CHD3: variants seen among roughly 807,000 people sequenced by gnomAD.
CHD3 encodes the protein chromodomain helicase DNA binding protein 3.
In CHD3, 52 loss-of-function variants were observed where a neutral mutation model predicts 248.9. That is an observed-to-expected ratio of 0.21 (90% CI 0.17 to 0.26). The LOEUF (loss-of-function observed/expected upper bound fraction) is 0.26, where lower values mean the gene tolerates loss of function less well. CHD3 is among the 10% of genes least tolerant of loss of function. The pLI, the probability that CHD3 is intolerant of heterozygous loss-of-function variation, is 1.00. For synonymous variants in CHD3, 985 were observed against 985.2 expected, an observed-to-expected ratio of 1.00 and a Z score of 0.00; for missense variants, 1,482 against 2,605.8, an observed-to-expected ratio of 0.57 and a Z score of 9.39.
chr17:7,897,536 A>G lies in CHD3; in HGVS notation c.1919+242A>G, dbSNP rs1969835436. Among the ~76,000 whole-genome samples, 1 of 152,212 alleles carries G rather than the reference A, an allele frequency of 6.6e-6. No homozygotes were observed. Among genetic ancestry groups the G allele is most frequent in the Admixed American group, 6.5e-5 (1 of 15,286 alleles). ...CCTGTCATCTCCAGTGGCATAAGAC[A>G]TAGCACATGAGTCTGGGGATGAGGG... On this transcript the variant is annotated intron_variant, in intron 11 of 39. Transcript: ENST00000330494. This position sits in a 1 kb window ranked among gnomAD's most constrained non-coding sequence, Gnocchi z 4.8.
intron 20 of CHD3, 121 bp from the exon 21 acceptor site, chr17:7,902,489 T>G (rs2151595505): frequency 1.7e-6 from 1 of 573,936 alleles, no homozygotes; most frequent in East Asian, 2.8e-5. Context: ...ATGAGGAGCT[T>G]AAGACAGGGC....
rs1292458394 is a variant in CHD3, at chr17:7,893,940, G to GT, written c.924+6dup. 1.9e-6 allele frequency: 3 copies of GT among 1,613,938 alleles called. No individual in the cohort carries two copies. Among genetic ancestry groups the GT allele is most frequent in the Non-Finnish European group, 2.5e-6 (3 of 1,180,022 alleles). ...AAGAGGAAGAAAGGAGGCTCGGTGA[G>GT]TGACCCGTCCCTGTCTACTAAACAC... On this transcript the variant is annotated splice_donor_region_variant and intron_variant, in intron 6 of 39. Coordinates refer to ENST00000330494, the MANE Select transcript of CHD3 (RefSeq NM_001005273.3).
rs1387802522 is a variant in CHD3, at chr17:7,900,547, C to G, written c.2805-11C>G. On this transcript the variant is annotated splice_polypyrimidine_tract_variant and intron_variant, in intron 17 of 39. Coordinates refer to ENST00000330494, the MANE Select transcript of CHD3 (RefSeq NM_001005273.3). This position sits in a 1 kb window ranked among gnomAD's most constrained non-coding sequence, Gnocchi z 6.5. ...GCCGACCTGTTAATTTTCTTCTCTT[C>G]TGGCTCTTAGCAACTTGGAGGGCTT... 1.9e-6 allele frequency: 3 copies of G among 1,612,116 alleles called. No individual in the cohort carries two copies. In the Admixed American group the frequency reaches 5.0e-5, roughly 27 times the overall value.
rs367982642 is a variant in CHD3, at chr17:7,907,321, T to C, written c.4789-32T>C. 16 of 1,610,698 alleles carry C rather than the reference T, an allele frequency of 9.9e-6. No homozygotes were observed. In the Admixed American group the frequency reaches 1.0e-4, roughly 10 times the overall value. Reference sequence around the variant, plus strand: ...GGAGGCCAGGTACCTGGGAGCCCTCTGGCTCATCCTGACCCCATTGTCCTC... The same window carrying C: ...GGAGGCCAGGTACCTGGGAGCCCTCCGGCTCATCCTGACCCCATTGTCCTC... On this transcript the variant is annotated intron_variant, in intron 31 of 39. Transcript: ENST00000330494. This position sits in a 1 kb window ranked among gnomAD's most constrained non-coding sequence, Gnocchi z 4.3.
Position 7,905,690 on chromosome 17 carries a change from T to C in CHD3, c.4208T>C (p.Val1403Ala). 6.2e-7 allele frequency: 1 copy of C among 1,611,504 alleles called. No individual in the cohort carries two copies. The highest frequency in any genetic ancestry group is 8.5e-7 in the Non-Finnish European group (1 of 1,178,542). The change falls in exon 27 of 40, where the codon GTC becomes GCC. Residue 1403 changes from valine to alanine, a missense_variant. Transcript: ENST00000330494. The surrounding 1 kb of genome is among the most constrained non-coding windows in gnomAD (Gnocchi z 5.8). ...CCACTGCCTCCACTGCTGGCCCGAG[T>C]CGGGGGCAACATTGAGGTGAGAGCT... ...DKPLPPLLAR[V>A]GGNIEVLGFN...
Position 7,903,850 on chromosome 17 carries a change from T to C in CHD3, c.3753T>C (p.Ser1251=). 1.2e-6 allele frequency: 2 copies of C among 1,614,080 alleles called. No individual in the cohort carries two copies. Among genetic ancestry groups the C allele is most frequent in the Non-Finnish European group, 1.7e-6 (2 of 1,179,992 alleles). ...GGGAGAACAAGGAGGAGGACAGCAG[T>C]GTGATTCATTATGACAATGAGGCCA... is the stretch of plus-strand genomic sequence containing the variant. ...NEGENKEEDS[S]VIHYDNEAIA... Residue 1251 remains serine, a synonymous_variant, in exon 24 of 40, where the codon AGT becomes AGC. Transcript: ENST00000330494. The surrounding 1 kb of genome is among the most constrained non-coding windows in gnomAD (Gnocchi z 6.8).
At chr17:7,901,540 C>T (rs1200251505) in intron 20 of CHD3, among the ~76,000 whole-genome samples, 165 bp downstream of exon 20, 3 of 115,052 alleles carry the variant, frequency 2.6e-5, no homozygotes, top group East Asian at 2.8e-4. Context: ...GACAGAGTTT[C>T]GCTCTTATTG....
rs745908039 is a variant in CHD3 at position 7,889,805 on chromosome 17, G to A, written c.213+29G>A. ...AGTGTCAAGAATTCCTAACTCTGTG[G>A]CAAGGCTCAAGAGACCCATTCTCAG... On this transcript the variant is annotated intron_variant, in intron 2 of 39. Coordinates refer to ENST00000330494, the MANE Select transcript of CHD3 (RefSeq NM_001005273.3). This position sits in a 1 kb window ranked among gnomAD's most constrained non-coding sequence, Gnocchi z 4.5. 7.6e-5 allele frequency: 120 copies of A among 1,578,300 alleles called. No homozygotes were observed. The highest frequency in any genetic ancestry group is 9.3e-5 in the Non-Finnish European group (108 of 1,155,950).
In CHD3 at chr17:7,910,136, A is replaced by G; in HGVS notation, c.5591-292A>G. On this transcript the variant is annotated intron_variant, in intron 37 of 39. Transcript: ENST00000330494. The surrounding 1 kb of genome is among the most constrained non-coding windows in gnomAD (Gnocchi z 4.7). ...CCCCCATGTCTTCCAATGTCCCCCC[A>G]TCTTCCTTTCCTCCATGCTCCCTTT... 2 of 219,132 alleles carry G rather than the reference A, an allele frequency of 9.1e-6. No homozygotes were observed. Among genetic ancestry groups the G allele is most frequent in the South Asian group, 4.1e-5 (1 of 24,250 alleles). The allele number at this position is 219,132 out of a possible 1,614,324, so 13.6% of individuals were successfully genotyped here.
In CHD3 at chr17:7,889,081, T is replaced by C; in HGVS notation, c.81T>C (p.Cys27=). The C allele has an allele frequency of 1.2e-6, 2 of 1,614,214 alleles. No individual in the cohort carries two copies. Among genetic ancestry groups the C allele is most frequent in the Non-Finnish European group, 1.7e-6 (2 of 1,180,016 alleles). Residue 27 remains cysteine, a synonymous_variant, in exon 1 of 40, where the codon TGT becomes TGC. Transcript: ENST00000330494. The surrounding 1 kb of genome is among the most constrained non-coding windows in gnomAD (Gnocchi z 4.5). ...GGATTTCTTTTCCTCCAGGACTGTG[T>C]TGGGGTGACAGGATGCCTGGTAATT... The part of the protein sequence containing the change: ...QLRISFPPGL[C]WGDRMPDKDD...
chr17:7,890,302 G>C, intron 2 of CHD3: 1 of 305,138 alleles, frequency 3.3e-6, no homozygotes, highest in Non-Finnish European at 6.1e-6. Flanking sequence ...GCGGTGGTAC[G>C]TCTGTAATCC....
upstream of CHD3, among the ~76,000 whole-genome samples, chr17:7,887,968 C>A (rs115219924): frequency 5.9e-3 from 906 of 152,354 alleles, 10 homozygotes; most frequent in African/African-American, 0.02. Context: ...GTAGAGTGAA[C>A]CGGCTTGTGC....
At position 7,899,759 on chromosome 17, in the gene CHD3, A is replaced by C; in HGVS notation, c.2545-137A>C. The C allele has an allele frequency of 8.4e-7, 1 of 1,195,108 alleles. No homozygotes were observed. The highest frequency in any genetic ancestry group is 1.2e-6 in the Non-Finnish European group (1 of 836,440). 74.0% of individuals were successfully genotyped at this position (1,195,108 alleles called of 1,614,324 possible). A position where few individuals can be genotyped will look rare whatever the true frequency, so the allele number is the denominator to read the frequency against. On this transcript the variant is annotated intron_variant, in intron 15 of 39. Coordinates refer to ENST00000330494, the MANE Select transcript of CHD3 (RefSeq NM_001005273.3). This position sits in a 1 kb window ranked among gnomAD's most constrained non-coding sequence, Gnocchi z 6.8. ...AAATGTGGGCAGAGGTTTAGGAGCC[A>C]TGGTCTGTAATCCCTGCTTGGAGAA...
chr17:7,902,874 C>G, intron 21 of CHD3, 63 bp from the exon 22 acceptor site: 3 of 1,599,692 alleles, frequency 1.9e-6, no homozygotes, highest in Non-Finnish European at 2.6e-6. Flanking sequence ...CAGAGAACAT[C>G]TAGGAGCAGG....
At chr17:7,887,442 A>G (rs1466069473), upstream of CHD3, among the ~76,000 whole-genome samples, 1 of 149,950 alleles carries the variant, frequency 6.7e-6, no homozygotes, top group Admixed American at 6.6e-5. Flanking sequence ...AATATAACAT[A>G]ATATATAGAT....
rs769127697 is a variant in CHD3 at position 7,900,350 on chromosome 17, T to C, written c.2743T>C (p.Leu915=). 4.3e-6 allele frequency: 7 copies of C among 1,614,046 alleles called. No homozygotes were observed. In the African/African-American group the frequency reaches 8.0e-5, roughly 18 times the overall value. The change falls in exon 17 of 40, where the codon TTG becomes CTG. Residue 915 remains leucine, a synonymous_variant. Coordinates refer to ENST00000330494, the MANE Select transcript of CHD3 (RefSeq NM_001005273.3). This position sits in a 1 kb window ranked among gnomAD's most constrained non-coding sequence, Gnocchi z 6.5. Reference sequence around the variant, plus strand: ...TAAGTTGCTGCTGACAGGAACCCCATTGCAGAATAATCTGGAGGAGCTCTT... The same window carrying C: ...TAAGTTGCTGCTGACAGGAACCCCACTGCAGAATAATCTGGAGGAGCTCTT... ...DHKLLLTGTP[L]QNNLEELFHL... is the part of the protein sequence containing the mutation.
At chr17:7,890,460 C>G in intron 2 of CHD3, 111 bp from the exon 3 acceptor site, 1 of 726,942 alleles carries the variant, frequency 1.4e-6, no homozygotes, top group South Asian at 2.6e-5. Flanking sequence ...AAATTAGTTA[C>G]TATCACAGGA....
Position 7,894,551 on chromosome 17 carries a change from C to T in CHD3, c.1212C>T (p.Val404=), listed in dbSNP as rs370869999. ...CCTGCCCTCGTGCCTACCACCTCGTCTGCCTTGATCCTGAGCTTGACCGGG... is the reference window on the plus strand; with the variant it reads ...CCTGCCCTCGTGCCTACCACCTCGTTTGCCTTGATCCTGAGCTTGACCGGG... The part of the protein sequence containing the change: ...CDTCPRAYHL[V]CLDPELDRAP... The change falls in exon 8 of 40, where the codon GTC becomes GTT. Residue 404 remains valine (V), a synonymous_variant. Coordinates refer to ENST00000330494, the MANE Select transcript of CHD3 (RefSeq NM_001005273.3). 1 of 1,614,006 alleles carries T rather than the reference C, an allele frequency of 6.2e-7. No homozygotes were observed. Among genetic ancestry groups the T allele is most frequent in the Non-Finnish European group, 8.5e-7 (1 of 1,180,018 alleles).
chr17:7,906,720 A>G lies in CHD3; in HGVS notation c.4503+23A>G, dbSNP rs371242969. On this transcript the variant is annotated intron_variant, in intron 29 of 39. Coordinates refer to ENST00000330494, the MANE Select transcript of CHD3 (RefSeq NM_001005273.3). The surrounding 1 kb of genome is among the most constrained non-coding windows in gnomAD (Gnocchi z 5.0). Reference sequence around the variant, plus strand: ...AAGGTATCAGTCTTCCTGTCACCCAAAGAATCAAGCTGGCTGCCTAGTCTC... The same window carrying G: ...AAGGTATCAGTCTTCCTGTCACCCAGAGAATCAAGCTGGCTGCCTAGTCTC... The G allele has an allele frequency of 9.4e-4, 1,491 of 1,590,236 alleles. 1 individual carries two copies. Among genetic ancestry groups the G allele is most frequent in the Non-Finnish European group, 1.2e-3 (1,355 of 1,166,874 alleles).
Sources: gnomAD v4.1 joint callset for allele counts (sites outside exome capture counted in the v4.1 genomes callset) on GRCh38, gnomAD v4.1.1 for gene constraint, Gnocchi (gnomAD v3.1) non-coding constraint, MANE v1.5 for transcripts, NCBI Gene and HGNC (gene_info 2026-07-23, HGNC 2026-07-21) for gene names.